CENPW: variants seen among roughly 807,000 people sequenced by gnomAD.
The protein encoded by CENPW is cancer-up-regulated gene 2 protein.
A neutral mutation model predicts 11.1 loss-of-function variants in CENPW; 3 were observed. The ratio of observed to expected loss-of-function variants is 0.27; its 90% confidence interval spans 0.12 to 0.70. The LOEUF (loss-of-function observed/expected upper bound fraction) is 0.70. Among genes scored for constraint, CENPW ranks in the 30% least tolerant of loss-of-function variants. The probability of loss-of-function intolerance (pLI) is 0.77; values close to 1 mark genes in which losing one functional copy is unlikely to be tolerated. For missense variants in CENPW, 100 were observed against 105.6 expected (o/e 0.95, Z 0.23); for synonymous variants, 38 against 42.0 (o/e 0.91, Z 0.37).
the CENPW span, among the ~76,000 whole-genome samples, chr6:126,448,193 TG>T: frequency 6.6e-6 from 1 of 151,086 alleles, no homozygotes; most frequent in Non-Finnish European, 1.5e-5. Flanking sequence ...TTCTTGGGTT[TG>T]ACTCAAGACT....
the CENPW span, among the ~76,000 whole-genome samples, chr6:126,463,089 C>T: frequency 6.6e-6 from 1 of 151,984 alleles, no homozygotes; most frequent in Admixed American, 6.6e-5. Flanking sequence ...TTAACTGTGG[C>T]TCTGTTCCTA....
the CENPW span, among the ~76,000 whole-genome samples, chr6:126,358,540 C>T: frequency 1.3e-5 from 2 of 152,178 alleles, no homozygotes; most frequent in South Asian, 2.1e-4. Flanking sequence ...GTCAGTGTTG[C>T]ATCCCAGGAA....
chr6:126,467,706 C>T, the CENPW span, among the ~76,000 whole-genome samples: 1 of 152,060 alleles, frequency 6.6e-6, no homozygotes, highest in Non-Finnish European at 1.5e-5. Flanking sequence ...ATAATTTATG[C>T]AGATACTGCA....
the CENPW span, among the ~76,000 whole-genome samples, chr6:126,452,061 A>G: frequency 6.6e-6 from 1 of 151,104 alleles, no homozygotes. Context: ...GGCTTTGACA[A>G]CTGAAGTGAC....
the CENPW span, among the ~76,000 whole-genome samples, chr6:126,413,447 T>C: frequency 6.9e-3 from 1,051 of 151,856 alleles, 5 homozygotes; most frequent in Middle Eastern, 0.017. Flanking sequence ...AAGTGCTGAA[T>C]GAAAACAAAA....
chr6:126,474,363 A>G, the CENPW span, among the ~76,000 whole-genome samples: 4 of 152,116 alleles, frequency 2.6e-5, no homozygotes, highest in Admixed American at 6.6e-5. Flanking sequence ...CCCCATGTAA[A>G]CCTTGTGGGT....
chr6:126,470,464 G>T, the CENPW span, among the ~76,000 whole-genome samples: 1 of 152,236 alleles, frequency 6.6e-6, no homozygotes, highest in East Asian at 1.9e-4. Context: ...CTGCTTCAGG[G>T]GTGGAGCCCT....
At chr6:126,411,906 T>C in the CENPW span, among the ~76,000 whole-genome samples, 49 of 137,882 alleles carry the variant, frequency 3.6e-4, 1 homozygote, top group South Asian at 0.011. Flanking sequence ...CTTCCTTCCT[T>C]CCTCCCTCCC....
the CENPW span, among the ~76,000 whole-genome samples, chr6:126,457,364 T>G: frequency 2.0e-5 from 3 of 151,554 alleles, no homozygotes; most frequent in Non-Finnish European, 4.4e-5. Context: ...ATATACACCA[T>G]AGAATACTAT....
the CENPW span, among the ~76,000 whole-genome samples, chr6:126,464,146 A>T: frequency 2.0e-5 from 3 of 152,112 alleles, no homozygotes; most frequent in African/African-American, 7.2e-5. Context: ...TACCCTAGAA[A>T]CATAGGGCTG....
chr6:126,367,584 G>A, the CENPW span, among the ~76,000 whole-genome samples: 1 of 152,196 alleles, frequency 6.6e-6, no homozygotes, highest in African/African-American at 2.4e-5. Flanking sequence ...TAGCAGGGTA[G>A]ATAGGATGAG....
chr6:126,409,248 T>C, the CENPW span, among the ~76,000 whole-genome samples: 2 of 152,042 alleles, frequency 1.3e-5, no homozygotes, highest in Admixed American at 6.6e-5. Context: ...AAATTTCTCA[T>C]TATTGATTTC....
the CENPW span, among the ~76,000 whole-genome samples, chr6:126,392,151 T>A: frequency 4.6e-5 from 7 of 151,890 alleles, no homozygotes; most frequent in African/African-American, 1.2e-4. Flanking sequence ...ATTTCTTCCA[T>A]CAATGTTTTG....
chr6:126,416,569 G>A, the CENPW span, among the ~76,000 whole-genome samples: 1 of 152,240 alleles, frequency 6.6e-6, no homozygotes, highest in South Asian at 2.1e-4. Context: ...TTGTGGACTG[G>A]GTCCAGGGTC....
the CENPW span, among the ~76,000 whole-genome samples, chr6:126,363,938 C>A: frequency 6.6e-6 from 1 of 152,114 alleles, no homozygotes; most frequent in Non-Finnish European, 1.5e-5. Context: ...TATTCAGCAC[C>A]AAAGGGGACC....
At chr6:126,429,184 A>G in the CENPW span, among the ~76,000 whole-genome samples, 1 of 152,188 alleles carries the variant, frequency 6.6e-6, no homozygotes, top group Non-Finnish European at 1.5e-5. Context: ...ATTCCTTAGG[A>G]TACATCTCAA....
chr6:126,356,793 G>T, the CENPW span, among the ~76,000 whole-genome samples: 1 of 151,908 alleles, frequency 6.6e-6, no homozygotes, highest in South Asian at 2.1e-4. Context: ...TTGTTTTTTG[G>T]CTTGTTGGTT....
At chr6:126,426,076 T>C in the CENPW span, among the ~76,000 whole-genome samples, 2 of 152,136 alleles carry the variant, frequency 1.3e-5, no homozygotes, top group Admixed American at 1.3e-4. Context: ...AGTGCCTGGC[T>C]GGTTTTCTAA....
the CENPW span, among the ~76,000 whole-genome samples, chr6:126,464,840 C>G: frequency 6.6e-6 from 1 of 152,050 alleles, no homozygotes; most frequent in African/African-American, 2.4e-5. Flanking sequence ...TGCATAGGTC[C>G]CATTAGTTCT....
Sources: gnomAD v4.1 joint callset for allele counts (sites outside exome capture counted in the v4.1 genomes callset) on GRCh38, gnomAD v4.1.1 for gene constraint, MANE v1.5 for transcripts, NCBI Gene and HGNC (gene_info 2026-07-23, HGNC 2026-07-21) for gene names.